FAM149A: variants seen among roughly 807,000 people sequenced by gnomAD.
The protein encoded by FAM149A is family with sequence similarity 149 member A, also known as protein FAM149A.
FAM149A carries 71 observed loss-of-function variants against 78.2 expected under a neutral mutation model. The observed-to-expected ratio is 0.91, with a 90% CI of 0.75 to 1.11. The LOEUF is 1.11. FAM149A is among the 50% of genes least tolerant of loss of function. FAM149A has a pLI of 0.00. For synonymous variants in FAM149A, 446 were observed against 410.5 expected (o/e 1.09, Z -1.04); for missense variants, 1,036 against 971.0 (o/e 1.07, Z -0.89).
At chr4:186,150,708 C>T (rs376607725) in intron 3 of FAM149A, among the ~76,000 whole-genome samples, 39 of 128,962 alleles carry the variant, frequency 3.0e-4, no homozygotes, top group African/African-American at 8.5e-4. Context: ...CGTGAGCCAC[C>T]GCGTCCGGCC....
In FAM149A at chr4:186,105,403, G is replaced by GT. The variant is rs199623729; in HGVS notation, c.327_328insT (p.Pro110SerfsTer64). 0.014 allele frequency: 16,842 copies of GT among 1,183,402 alleles called. 148 individuals are homozygous for GT. Among genetic ancestry groups the GT allele is most frequent in the Non-Finnish European group, 0.016 (15,135 of 944,530 alleles). The allele number at this position is 1,183,402 out of a possible 1,614,324, so 73.3% of individuals were successfully genotyped here. A position where few individuals can be genotyped will look rare whatever the true frequency, so the allele number is the denominator to read the frequency against. ...CTAGAGCGGGTAAAGCCCCGCCCCAGCCCCCCACTCCCTCCGGCGGGGGCT... is the reference window on the plus strand; with the variant it reads ...CTAGAGCGGGTAAAGCCCCGCCCCAGTCCCCCCACTCCCTCCGGCGGGGGCT... On this transcript the variant is annotated frameshift_variant, in exon 1 of 14. Transcript: ENST00000389354. LOFTEE classifies it high-confidence loss of function.
rs1358539426 is a variant in FAM149A, at chr4:186,166,975, G to A, written c.2018G>A (p.Gly673Glu). ...ATACTATCCTTCATTTAGTACAGAG[G>A]AAGGCATCTACAAAACCGTGTGTTG... The change falls in exon 12 of 14, where the codon GGA becomes GAA. Residue 673 changes from glycine (G) to glutamate (E), a missense_variant. Gly to Glu is a moderately conservative substitution (Grantham distance 98). Transcript: ENST00000389354. 5 of 1,613,680 alleles carry A rather than the reference G, an allele frequency of 3.1e-6. No homozygotes were observed. In the South Asian group the frequency reaches 5.5e-5, roughly 18 times the overall value.
chr4:186,149,850 TTAC>T, intron 3 of FAM149A, 146 bp downstream of exon 3: 1 of 450,774 alleles, frequency 2.2e-6, no homozygotes, highest in Non-Finnish European at 3.4e-6. Flanking sequence ...CATGTACATG[TTAC>T]ATGTGAAAAT....
intron 1 of FAM149A, among the ~76,000 whole-genome samples, chr4:186,137,578 T>G (rs1051121581): frequency 2.0e-5 from 3 of 151,908 alleles, no homozygotes; most frequent in African/African-American, 7.3e-5. Context: ...AGTATTAAAA[T>G]CTGGGCAAGG....
In FAM149A at chr4:186,105,002, C is replaced by A; in HGVS notation, c.-75C>A. 8.1e-7 allele frequency: 1 copy of A among 1,237,256 alleles called. No individual in the cohort carries two copies. The highest frequency in any genetic ancestry group is 1.0e-6 in the Non-Finnish European group (1 of 966,028). The allele number at this position is 1,237,256 out of a possible 1,614,324, so 76.6% of individuals were successfully genotyped here. On this transcript the variant is annotated 5_prime_UTR_variant, in exon 1 of 14. Transcript: ENST00000389354. ...GGGACCTCAGGCTCCTCGCCCCGGC[C>A]CGGGCCGCCTCGGCCGGATCTCCGC...
intron 13 of FAM149A, chr4:186,167,505 C>A (rs1735152064): frequency 5.2e-6 from 2 of 387,032 alleles, no homozygotes; most frequent in African/African-American, 3.6e-5. Flanking sequence ...AACTGGGGGC[C>A]TCACTCAAAA....
At chr4:186,171,775 T>A (rs1735553412) in intron 13 of FAM149A, 139 bp from the exon 14 acceptor site, 1 of 620,046 alleles carries the variant, frequency 1.6e-6, no homozygotes, top group African/African-American at 1.9e-5. Flanking sequence ...TGCATATGAC[T>A]ATTTCCTAAT....
chr4:186,154,788 T>G, intron 6 of FAM149A, 150 bp downstream of exon 6: 15 of 1,404,980 alleles, frequency 1.1e-5, no homozygotes, highest in Non-Finnish European at 1.3e-5. Flanking sequence ...TCCCCAGAGC[T>G]TTTGGATTCC....
At chr4:186,151,778 A>G (rs2276914) in intron 3 of FAM149A, 125 bp from the exon 4 acceptor site, 1,274,017 of 1,448,150 alleles carry the variant, frequency 0.88, 561,088 homozygotes, top group African/African-American at 0.94. Flanking sequence ...CAAAGCCACC[A>G]TCTTTTTACC....
chr4:186,119,783 G>A (rs1050939448), intron 1 of FAM149A, among the ~76,000 whole-genome samples: 3 of 152,308 alleles, frequency 2.0e-5, no homozygotes, highest in Non-Finnish European at 4.4e-5. Context: ...ATTGTAAAAT[G>A]CAACATTTAA....
chr4:186,155,046 T>C (rs1323349367), intron 6 of FAM149A: 1 of 578,284 alleles, frequency 1.7e-6, no homozygotes, highest in Non-Finnish European at 2.2e-6. Context: ...GACTGCAAAC[T>C]CCGCCTCCCG....
At position 186,164,651 on chromosome 4, in the gene FAM149A, G is replaced by A. The variant is rs527823060; in HGVS notation, c.1890-693G>A. On this transcript the variant is annotated intron_variant, in intron 10 of 13. Transcript: ENST00000389354. The surrounding 1 kb of genome is among the most constrained non-coding windows in gnomAD (Gnocchi z 4.0). ...CCCCCCATGCCAGTCAGCAGCACAC[G>A]GTGCCAGTCAGCAACACATGGCAGG... is the stretch of plus-strand genomic sequence containing the variant. 1.8e-5 allele frequency: 4 copies of A among 223,068 alleles called. No homozygotes were observed. The highest frequency in any genetic ancestry group is 2.3e-5 in the African/African-American group (1 of 42,676). 13.8% of individuals were successfully genotyped at this position (223,068 alleles called of 1,614,324 possible).
Position 186,105,262 on chromosome 4 carries a change from C to T in FAM149A, c.186C>T (p.Ser62=), listed in dbSNP as rs752791892. Residue 62 remains serine (S), a synonymous_variant, in exon 1 of 14, where the codon TCC becomes TCT. Transcript: ENST00000389354. ...TCCTCCGCGCCCTGGCTCCGGACTCCCCCTCCGCCTCGCGGCGGTCGCCCG... is the reference window on the plus strand; with the variant it reads ...TCCTCCGCGCCCTGGCTCCGGACTCTCCCTCCGCCTCGCGGCGGTCGCCCG... The T allele has an allele frequency of 8.3e-7, 1 of 1,206,910 alleles. No homozygotes were observed. Among genetic ancestry groups the T allele is most frequent in the South Asian group, 1.4e-5 (1 of 69,316 alleles). 74.8% of individuals were successfully genotyped at this position (1,206,910 alleles called of 1,614,324 possible).
chr4:186,112,204 TA>T (rs2150080086), intron 1 of FAM149A, among the ~76,000 whole-genome samples: 1 of 150,952 alleles, frequency 6.6e-6, no homozygotes, highest in East Asian at 2.0e-4. Context: ...GTTTGTCTGT[TA>T]TTGGTGTATA....
intron 3 of FAM149A, among the ~76,000 whole-genome samples, chr4:186,150,621 G>A (rs1194147683): frequency 1.1e-4 from 16 of 139,356 alleles, no homozygotes; most frequent in African/African-American, 3.5e-4. Flanking sequence ...GGGTTTCACC[G>A]TGTTAGCCAG....
intron 1 of FAM149A, chr4:186,123,698 A>G: frequency 2.9e-6 from 1 of 347,870 alleles, no homozygotes; most frequent in Non-Finnish European, 4.1e-6. Flanking sequence ...CTTTTGCAGC[A>G]AGTAAGAAAG....
At position 186,163,576 on chromosome 4, in the gene FAM149A, C is replaced by T. The variant is rs202162388; in HGVS notation, c.1832C>T (p.Ser611Leu). Residue 611 changes from serine (S) to leucine (L), a missense_variant, in exon 10 of 14, where the codon TCA becomes TTA. By Grantham distance (145) the Ser-to-Leu change is moderately radical. This residue lies in a region of FAM149A where 716 missense variants were observed against 711.8 expected (regional missense o/e 1.01). Transcript: ENST00000389354. ...AGGCTGCCTTCTCTTGCTTCAGATTCACAGAGACTAAAAACTCCCAACATC... is the reference window on the plus strand; with the variant it reads ...AGGCTGCCTTCTCTTGCTTCAGATTTACAGAGACTAAAAACTCCCAACATC... The T allele has an allele frequency of 9.2e-5, 148 of 1,614,180 alleles. 1 individual carries two copies. In the Admixed American group the frequency reaches 1.4e-3, roughly 15 times the overall value.
At chr4:186,169,418 A>T (rs916693365) in intron 13 of FAM149A, 19 of 985,250 alleles carry the variant, frequency 1.9e-5, no homozygotes, top group Non-Finnish European at 2.3e-5. Flanking sequence ...GCCCCAGGTG[A>T]GGCACATGTG....
At position 186,172,826 on chromosome 4, in the gene FAM149A, C is replaced by A. The variant is rs1186146692; in HGVS notation, c.*839C>A. 9.1e-6 allele frequency among the ~76,000 whole-genome samples: 1 copy of A among 110,484 alleles called. No individual in the cohort carries two copies. Among genetic ancestry groups the A allele is most frequent in the Non-Finnish European group, 2.3e-5 (1 of 44,250 alleles). 72.5% of individuals were successfully genotyped at this position (110,484 alleles called of 152,430 possible). On this transcript the variant is annotated 3_prime_UTR_variant, in exon 14 of 14. Coordinates refer to ENST00000389354, the MANE Select transcript of FAM149A (RefSeq NM_001367768.3). ...CTCCTCGCGCTCTGTCCTGCTCTGCCTGGCTTTTCTTCAGAGTGTGTTTCC... is the reference window on the plus strand; with the variant it reads ...CTCCTCGCGCTCTGTCCTGCTCTGCATGGCTTTTCTTCAGAGTGTGTTTCC...
Sources: allele counts gnomAD v4.1 joint callset (sites outside exome capture counted in the v4.1 genomes callset), GRCh38; gene constraint gnomAD v4.1.1; regional missense constraint gnomAD v4.1.1; non-coding constraint Gnocchi (gnomAD v3.1); transcripts MANE v1.5; gene names NCBI Gene and HGNC (gene_info 2026-07-23, HGNC 2026-07-21).